CRY1: variants seen among roughly 807,000 people sequenced by gnomAD.
CRY1 encodes the protein cryptochrome-1.
A neutral mutation model predicts 76.0 loss-of-function variants in CRY1; 45 were observed. The ratio of observed to expected loss-of-function variants is 0.59; its 90% CI spans 0.47 to 0.76. The LOEUF (loss-of-function observed/expected upper bound fraction) is 0.76. Ranked by LOEUF, CRY1 falls within the 30% of genes least tolerant of loss-of-function variation. CRY1 has a pLI of 0.00. For synonymous variants in CRY1, 248 were observed against 244.0 expected (o/e 1.02, Z -0.15); for missense variants, 587 against 716.4 (o/e 0.82, Z 2.06).
intron 1 of CRY1, among the ~76,000 whole-genome samples, chr12:107,056,596 C>A (rs1038201408): frequency 1.3e-5 from 2 of 151,074 alleles, no homozygotes; most frequent in Non-Finnish European, 2.9e-5. Context: ...TTTTTTTAAG[C>A]TCATCAGCTA....
intron 2 of CRY1, among the ~76,000 whole-genome samples, chr12:107,013,597 G>A (rs1593502590): frequency 6.6e-6 from 1 of 152,124 alleles, no homozygotes; most frequent in Non-Finnish European, 1.5e-5. Flanking sequence ...ATCAAAAATT[G>A]TAATTGTTAG....
intron 4 of CRY1, 138 bp from the exon 5 acceptor site, chr12:107,001,506 C>T (rs1952310938): frequency 7.9e-6 from 6 of 760,290 alleles, no homozygotes; most frequent in Non-Finnish European, 1.3e-5. Context: ...AATAAGCCCT[C>T]ACCTATAGAG....
At chr12:107,011,347 C>T (rs1419142527) in intron 2 of CRY1, among the ~76,000 whole-genome samples, 2 of 128,506 alleles carry the variant, frequency 1.6e-5, no homozygotes, top group Non-Finnish European at 3.2e-5. Context: ...AAGACTCTGT[C>T]TCAAAAAACA....
rs192031733 is a variant in CRY1, at chr12:107,064,623, T to C, written c.158+28181A>G. On this transcript the variant is annotated intron_variant, in intron 1 of 12. Transcript: ENST00000008527. ...AAGCTAACAAAACTGAAAATCAAAA[T>C]ACAGAATAACTTAGAAATAGAAATG... 3.9e-3 allele frequency among the ~76,000 whole-genome samples: 585 copies of C among 149,284 alleles called. 1 individual carries two copies. Among genetic ancestry groups the C allele is most frequent in the Non-Finnish European group, 6.4e-3 (435 of 67,914 alleles).
At position 107,055,213 on chromosome 12, in the gene CRY1, T is replaced by C. The variant is rs181029861; in HGVS notation, c.159-33021A>G. Among the ~76,000 whole-genome samples the C allele has an allele frequency of 4.4e-3, 666 of 152,244 alleles. 2 individuals are homozygous for C. Among genetic ancestry groups the C allele is most frequent in the African/African-American group, 0.015 (635 of 41,578 alleles). On this transcript the variant is annotated intron_variant, in intron 1 of 12. Transcript: ENST00000008527. ...ATAGTCTCTGACCTTGACGTATTTA[T>C]GCTAAAAATTAATACTGAAAAGACA...
In CRY1 at chr12:106,992,969, C is replaced by G. The variant is rs1952196274; in HGVS notation, c.1653G>C (p.Lys551Asn). 6.2e-7 allele frequency: 1 copy of G among 1,613,898 alleles called. No individual in the cohort carries two copies. Among genetic ancestry groups the G allele is most frequent in the South Asian group, 1.1e-5 (1 of 91,078 alleles). ...GCTCCAATGCTTCATTCTTACCTTG[C>G]TTCAACAGGTGAGTTTGCTGACTGT... ...HGDSQQTHLL[K>N]QGRSSMGTGL... is the part of the protein sequence containing the mutation. The change falls in exon 11 of 13, where the codon AAG becomes AAC. Residue 551 changes from lysine to asparagine, a missense_variant. By Grantham distance (94) the Lys-to-Asn change is moderately conservative (BLOSUM62 0). Transcript: ENST00000008527.
At chr12:107,087,187 C>A (rs1953413591) in intron 1 of CRY1, among the ~76,000 whole-genome samples, 1 of 151,988 alleles carries the variant, frequency 6.6e-6, no homozygotes, top group Non-Finnish European at 1.5e-5. Flanking sequence ...CTATGCCCAA[C>A]CAAGCCATAG....
chr12:107,069,400 A>G (rs1263531677), intron 1 of CRY1, among the ~76,000 whole-genome samples: 1 of 150,674 alleles, frequency 6.6e-6, no homozygotes. Context: ...AATTTTTTGT[A>G]TAAAATTTTT....
intron 1 of CRY1, among the ~76,000 whole-genome samples, chr12:107,070,220 A>G (rs1373084826): frequency 6.6e-6 from 1 of 152,234 alleles, no homozygotes; most frequent in Admixed American, 6.5e-5. Flanking sequence ...AACTAGAAGT[A>G]AACAGGTAGC....
At chr12:107,068,386 C>T (rs1953138374) in intron 1 of CRY1, among the ~76,000 whole-genome samples, 1 of 152,160 alleles carries the variant, frequency 6.6e-6, no homozygotes, top group Admixed American at 6.5e-5. Flanking sequence ...CAACCTCCGC[C>T]TCCTTGGTTT....
intron 9 of CRY1, 45 bp from the exon 10 acceptor site, chr12:106,997,431 A>G (rs751749759): frequency 2.0e-5 from 32 of 1,612,182 alleles, no homozygotes; most frequent in Non-Finnish European, 2.6e-5. Context: ...TCAAGATAAA[A>G]TTCAAAGATA....
At chr12:107,046,813 G>A (rs984815366) in intron 1 of CRY1, among the ~76,000 whole-genome samples, 1 of 152,050 alleles carries the variant, frequency 6.6e-6, no homozygotes, top group African/African-American at 2.4e-5. Flanking sequence ...ATGATAAAAG[G>A]ATCAATTCAA....
At position 107,091,775 on chromosome 12, in the gene CRY1, A is replaced by G. The variant is rs74921490; in HGVS notation, c.158+1029T>C. On this transcript the variant is annotated intron_variant, in intron 1 of 12. Transcript: ENST00000008527. ...CTGCTGTTCCTTCCAAAGGTCAAGCATATTTCTGCCTTTTCCCTTACTCTT... is the reference window on the plus strand; with the variant it reads ...CTGCTGTTCCTTCCAAAGGTCAAGCGTATTTCTGCCTTTTCCCTTACTCTT... Among the ~76,000 whole-genome samples, 570 of 152,250 alleles carry G rather than the reference A, an allele frequency of 3.7e-3. 2 individuals carry two copies. Among genetic ancestry groups the G allele is most frequent in the African/African-American group, 0.013 (547 of 41,532 alleles).
chr12:107,048,698 C>G (rs1289878421), intron 1 of CRY1, among the ~76,000 whole-genome samples: 1 of 152,204 alleles, frequency 6.6e-6, no homozygotes, highest in African/African-American at 2.4e-5. Context: ...ATCTAATCTT[C>G]TGATAAACCT....
In CRY1 at chr12:107,092,964, C is replaced by CG. The variant is rs765306905; in HGVS notation, c.-4dup. On this transcript the variant is annotated 5_prime_UTR_variant, in exon 1 of 13. Coordinates refer to ENST00000008527, the MANE Select transcript of CRY1 (RefSeq NM_004075.5). ...CAGTGCACGGCGTTCACCCCCATGC[C>CG]GGGGGGCGCGGCGGGTCCTCCACGG... 8 of 1,535,156 alleles carry CG rather than the reference C, an allele frequency of 5.2e-6. No individual in the cohort carries two copies. In the South Asian group the frequency reaches 7.6e-5, roughly 15 times the overall value.
Position 107,001,747 on chromosome 12 carries a change from C to T in CRY1, c.595+17G>A. ...TATTAACTTGCAAGCCTCACACTGACTACAGTTTACACTCACCTAGCTCTT... is the reference window on the plus strand; with the variant it reads ...TATTAACTTGCAAGCCTCACACTGATTACAGTTTACACTCACCTAGCTCTT... On this transcript the variant is annotated intron_variant, in intron 4 of 12. Transcript: ENST00000008527. 1 of 1,521,152 alleles carries T rather than the reference C, an allele frequency of 6.6e-7. No homozygotes were observed. The highest frequency in any genetic ancestry group is 8.7e-7 in the Non-Finnish European group (1 of 1,144,480). 94.2% of individuals were successfully genotyped at this position (1,521,152 alleles called of 1,614,324 possible). A position where few individuals can be genotyped will look rare whatever the true frequency, so the allele number is the denominator to read the frequency against.
At position 107,001,266 on chromosome 12, in the gene CRY1, C is replaced by T; in HGVS notation, c.684+14G>A. The T allele has an allele frequency of 1.3e-6, 2 of 1,591,100 alleles. 1 individual carries two copies. The highest frequency in any genetic ancestry group is 2.3e-5 in the South Asian group (2 of 88,858). On this transcript the variant is annotated intron_variant, in intron 5 of 12. Coordinates refer to ENST00000008527, the MANE Select transcript of CRY1 (RefSeq NM_004075.5). ...GGAAATACAAGCATAGCTATATAAT[C>T]TACATTATCATACTTTTCTTTCCAA... is the stretch of plus-strand genomic sequence containing the variant.
intron 1 of CRY1, among the ~76,000 whole-genome samples, chr12:107,070,168 T>C (rs761247421): frequency 3.3e-5 from 5 of 152,194 alleles, no homozygotes; most frequent in Admixed American, 6.5e-5. Context: ...CACAGAGTCA[T>C]GTGCAAGGAT....
chr12:107,021,883 C>T (rs914995555), intron 2 of CRY1, among the ~76,000 whole-genome samples: 17 of 152,108 alleles, frequency 1.1e-4, no homozygotes, highest in African/African-American at 3.9e-4. Context: ...AAAGATTGAA[C>T]TTTTCATTGT....
Sources: allele counts gnomAD v4.1 joint callset (sites outside exome capture counted in the v4.1 genomes callset), GRCh38; gene constraint gnomAD v4.1.1; transcripts MANE v1.5; gene names NCBI Gene and HGNC (gene_info 2026-07-23, HGNC 2026-07-21).